The following SLC4A7 variants were observed in gnomAD, a reference collection of about 807,000 sequenced individuals.
SLC4A7 encodes the protein solute carrier family 4 member 7.
In SLC4A7, 51 loss-of-function variants were observed where a neutral mutation model predicts 137.6. The observed-to-expected ratio is 0.37, with a 90% CI of 0.30 to 0.47. SLC4A7 has a LOEUF of 0.47. Ranked by LOEUF, SLC4A7 falls within the 20% of genes least tolerant of loss-of-function variation. The pLI, the probability that SLC4A7 is intolerant of heterozygous loss-of-function variation, is 1.00. For synonymous variants in SLC4A7, 542 were observed against 518.6 expected (o/e 1.05, Z -0.61); for missense variants, 1,247 against 1,525.4 (o/e 0.82, Z 3.04).
chr3:27,445,476 C>T lies in SLC4A7; in HGVS notation c.289+3175G>A, dbSNP rs142452779. ...TCTCAGAAACCAAAGTCCTGTGCTG[C>T]CTCTTATACAATGTCTTAAAACTAC... On this transcript the variant is annotated intron_variant, in intron 3 of 25. Coordinates refer to ENST00000454389, the MANE Select transcript of SLC4A7 (RefSeq NM_001321103.2). 5.0e-3 allele frequency among the ~76,000 whole-genome samples: 768 copies of T among 152,132 alleles called. 3 individuals carry two copies. Among genetic ancestry groups the T allele is most frequent in the African/African-American group, 0.018 (730 of 41,486 alleles).
intron 7 of SLC4A7, among the ~76,000 whole-genome samples, chr3:27,426,772 T>C (rs1459281879): frequency 6.6e-6 from 1 of 152,196 alleles, no homozygotes; most frequent in Non-Finnish European, 1.5e-5. Flanking sequence ...CAGTTCTTCA[T>C]CATTATGATT....
In SLC4A7 at chr3:27,421,726, G is replaced by A. The variant is rs2054998323; in HGVS notation, c.1320C>T (p.Val440=). The change falls in exon 9 of 26, where the codon GTC becomes GTT. Residue 440 remains valine, a synonymous_variant. Coordinates refer to ENST00000454389, the MANE Select transcript of SLC4A7 (RefSeq NM_001321103.2). The part of the protein sequence containing the change: ...KIPTGAEASN[V]LVGEVDFLER... ...CCAAAAAGTCTACTTCGCCCACCAG[G>A]ACGTTGGATGCCTCAGCACCCGTAG... 1 of 1,613,742 alleles carries A rather than the reference G, an allele frequency of 6.2e-7. No homozygotes were observed. The highest frequency in any genetic ancestry group is 8.5e-7 in the Non-Finnish European group (1 of 1,179,714).
intron 1 of SLC4A7, among the ~76,000 whole-genome samples, chr3:27,472,528 A>G (rs1043842898): frequency 2.6e-5 from 4 of 152,104 alleles, no homozygotes; most frequent in Admixed American, 2.6e-4. Context: ...AAATAACTAA[A>G]TTGAATGCAG....
intron 6 of SLC4A7, among the ~76,000 whole-genome samples, chr3:27,432,552 A>T (rs1476915598): frequency 6.6e-6 from 1 of 152,206 alleles, no homozygotes; most frequent in Non-Finnish European, 1.5e-5. Flanking sequence ...TTTATGAAAA[A>T]CATGCAAATA....
chr3:27,478,450 G>A (rs1443130489), intron 1 of SLC4A7, among the ~76,000 whole-genome samples: 7 of 150,528 alleles, frequency 4.7e-5, no homozygotes, highest in Middle Eastern at 3.4e-3. Context: ...CCCGGGGGAC[G>A]GAGGTTGCCG....
At chr3:27,389,902 G>C (rs45623231) in intron 22 of SLC4A7, 29 bp downstream of exon 22, 2 of 1,545,328 alleles carry the variant, frequency 1.3e-6, no homozygotes, top group South Asian at 2.3e-5. Flanking sequence ...TTATTAATTA[G>C]TGACAAAATA....
chr3:27,402,032 G>A (rs1047016881), intron 15 of SLC4A7, among the ~76,000 whole-genome samples: 1 of 152,154 alleles, frequency 6.6e-6, no homozygotes, highest in East Asian at 1.9e-4. Context: ...GCAAGGAAAG[G>A]CAGCGGGGGA....
intron 24 of SLC4A7, among the ~76,000 whole-genome samples, chr3:27,379,782 TACTCA>T (rs2050234946): frequency 6.6e-6 from 1 of 152,204 alleles, no homozygotes; most frequent in Non-Finnish European, 1.5e-5. Flanking sequence ...ATCAAATAAA[TACTCA>T]AAGTATGTAA....
chr3:27,466,152 C>T (rs1213521104), intron 1 of SLC4A7, among the ~76,000 whole-genome samples: 2 of 151,776 alleles, frequency 1.3e-5, no homozygotes, highest in Non-Finnish European at 2.9e-5. Context: ...CTTTATATGA[C>T]AGAAAAGGGG....
chr3:27,475,916 G>A (rs568979965), intron 1 of SLC4A7, among the ~76,000 whole-genome samples: 5 of 152,178 alleles, frequency 3.3e-5, no homozygotes, highest in Non-Finnish European at 5.9e-5. Flanking sequence ...GTTCAGGAAG[G>A]AAGAGGGTCC....
At chr3:27,391,922 C>CT in intron 20 of SLC4A7, 114 bp from the exon 21 acceptor site, 2 of 574,594 alleles carry the variant, frequency 3.5e-6, no homozygotes, top group Non-Finnish European at 3.0e-6. Context: ...AGGATTAGAC[C>CT]GACCTAACAT....
Position 27,395,017 on chromosome 3 carries a change from A to T in SLC4A7, c.2802T>A (p.Ile934=). The change falls in exon 19 of 26, where the codon ATT becomes ATA. Residue 934 remains isoleucine (I), a synonymous_variant. Transcript: ENST00000454389. ...TGATTTGTTGATCCATAAAGATGAG[A>T]ATGGTACAAAGCAAAGCAGGAATAG... The part of the protein sequence containing the change: ...IAAIPALLCT[I]LIFMDQQITA... The T allele has an allele frequency of 1.2e-6, 2 of 1,611,686 alleles. No homozygotes were observed. Among genetic ancestry groups the T allele is most frequent in the South Asian group, 2.2e-5 (2 of 90,308 alleles).
intron 3 of SLC4A7, among the ~76,000 whole-genome samples, chr3:27,439,425 G>A (rs1217139145): frequency 6.6e-6 from 1 of 152,092 alleles, no homozygotes. Context: ...TATTGTGATT[G>A]AACTTCCTAC....
In SLC4A7 at chr3:27,376,838, T is replaced by C; in HGVS notation, c.3706A>G (p.Lys1236Glu). 1.3e-6 allele frequency: 2 copies of C among 1,538,012 alleles called. No homozygotes were observed. Among genetic ancestry groups the C allele is most frequent in the Non-Finnish European group, 1.8e-6 (2 of 1,120,920 alleles). Residue 1236 changes from lysine (K) to glutamate (E), a missense_variant, in exon 26 of 26, where the codon AAA becomes GAA. This residue lies in a region of SLC4A7 where 290 missense variants were observed against 323.8 expected (regional missense o/e 0.90). Transcript: ENST00000454389. ...AAACTTATTTTCACACTCACAGGTT[T>C]ATCAGGACTATTTAAAACAAAGAAT... ...KVTRSNMSPD[K>E]PVSVKISFED...
chr3:27,458,903 T>C (rs2058550105), intron 1 of SLC4A7, among the ~76,000 whole-genome samples: 1 of 152,174 alleles, frequency 6.6e-6, no homozygotes. Flanking sequence ...GGAAAGAGAA[T>C]TGCTGGAACC....
chr3:27,406,928 AC>A (rs2053422712), intron 13 of SLC4A7, among the ~76,000 whole-genome samples: 1 of 152,084 alleles, frequency 6.6e-6, no homozygotes, highest in African/African-American at 2.4e-5. Flanking sequence ...TCTCAAAAAA[AC>A]AAAAAGCAGA....
intron 11 of SLC4A7, among the ~76,000 whole-genome samples, chr3:27,417,198 C>T (rs1028498773): frequency 9.9e-5 from 15 of 152,146 alleles, no homozygotes; most frequent in African/African-American, 1.9e-4. Context: ...GGAATTTTAG[C>T]TAATAAAGGC....
rs1454446451 is a variant in SLC4A7, at chr3:27,446,407, A to C, written c.289+2244T>G. Among the ~76,000 whole-genome samples the C allele has an allele frequency of 4.6e-5, 7 of 152,242 alleles. No individual in the cohort carries two copies. In the East Asian group the frequency reaches 1.4e-3, roughly 29 times the overall value. ...TTAAGACAAAAACTTCAGGGACATA[A>C]ATCTTTTCTAGGAATAGTTATTCCT... On this transcript the variant is annotated intron_variant, in intron 3 of 25. Transcript: ENST00000454389.
intron 1 of SLC4A7, among the ~76,000 whole-genome samples, chr3:27,470,551 C>G (rs1049883768): frequency 6.7e-6 from 1 of 149,944 alleles, no homozygotes; most frequent in African/African-American, 2.5e-5. Flanking sequence ...AGAATGAAAT[C>G]GAATGTTTAT....
Sources: gnomAD v4.1 joint callset for allele counts (sites outside exome capture counted in the v4.1 genomes callset) on GRCh38, gnomAD v4.1.1 for gene constraint, gnomAD v4.1.1 regional missense constraint, MANE v1.5 for transcripts, NCBI Gene and HGNC (gene_info 2026-07-23, HGNC 2026-07-21) for gene names.